The following NAV2 variants were observed in gnomAD, a reference collection of about 807,000 sequenced individuals.
The protein encoded by NAV2 is neuron navigator 2.
A neutral mutation model predicts 223.2 loss-of-function variants in NAV2; 54 were observed. That is an observed-to-expected ratio of 0.24 (90% confidence interval 0.19 to 0.30). NAV2 has a LOEUF of 0.30. Among genes scored for constraint, NAV2 ranks in the 10% least tolerant of loss-of-function variants. NAV2 has a pLI of 1.00. For synonymous variants in NAV2, 1,279 were observed against 1,239.3 expected, an observed-to-expected ratio of 1.03 and a Z score of -0.67; for missense variants, 2,806 against 3,147.5, an observed-to-expected ratio of 0.89 and a Z score of 2.60.
At chr11:19,741,368 T>C (rs867039510) in intron 1 of NAV2, among the ~76,000 whole-genome samples, 2 of 152,040 alleles carry the variant, frequency 1.3e-5, no homozygotes, top group Non-Finnish European at 2.9e-5. Context: ...GATTTATTTA[T>C]CCCACAGAAC....
At chr11:20,049,808 C>A (rs1270004532) in intron 15 of NAV2, 28 bp from the exon 16 acceptor site, 1 of 1,610,464 alleles carries the variant, frequency 6.2e-7, no homozygotes, top group East Asian at 2.2e-5. Context: ...CGTTCCTTCT[C>A]TTGTTTTCTA....
intron 1 of NAV2, among the ~76,000 whole-genome samples, chr11:19,569,319 T>C (rs1224992501): frequency 6.6e-6 from 1 of 152,206 alleles, no homozygotes; most frequent in African/African-American, 2.4e-5. Context: ...ATGCAGCCTC[T>C]TCTTGATCCC....
At chr11:19,497,993 C>T (rs2042851427) in intron 1 of NAV2, among the ~76,000 whole-genome samples, 1 of 152,174 alleles carries the variant, frequency 6.6e-6, no homozygotes, top group Non-Finnish European at 1.5e-5. Context: ...GTTTTGTCAT[C>T]GTCGTAATTT....
rs1212750573 is a variant in NAV2 at position 19,823,210 on chromosome 11, A to C, written c.268-9274A>C. On this transcript the variant is annotated intron_variant, in intron 1 of 37. Transcript: ENST00000349880. Reference sequence around the variant, plus strand: ...CAGGCACATGCTACCACACCTGGCTAATTTATTTTATTTTGAGATGCATTT... The same window carrying C: ...CAGGCACATGCTACCACACCTGGCTCATTTATTTTATTTTGAGATGCATTT... Among the ~76,000 whole-genome samples the C allele has an allele frequency of 2.0e-5, 3 of 151,834 alleles. No homozygotes were observed. In the East Asian group the frequency reaches 5.8e-4, roughly 29 times the overall value.
At chr11:20,058,843 C>T (rs1818685211) in intron 19 of NAV2, among the ~76,000 whole-genome samples, 1 of 152,110 alleles carries the variant, frequency 6.6e-6, no homozygotes, top group South Asian at 2.1e-4. Context: ...AAGCATTTAA[C>T]AAATAACTTT....
rs1185723842 is a variant in NAV2, at chr11:20,101,025, G to A, written c.6270G>A (p.Glu2090=). 1.2e-6 allele frequency: 2 copies of A among 1,614,014 alleles called. No individual in the cohort carries two copies. Among genetic ancestry groups the A allele is most frequent in the South Asian group, 1.1e-5 (1 of 91,072 alleles). The change falls in exon 32 of 38, where the codon GAG becomes GAA. Residue 2090 remains glutamate (E), a synonymous_variant. Transcript: ENST00000349880. ...AGCGCTACGTCTCCCTCCTGATAGA[G>A]CACCGTCGGATCATTCTCTCTGGCC... ...ILQRYVSLLI[E]HRRIILSGPS...
At chr11:20,061,624 A>G (rs1362412396) in intron 19 of NAV2, among the ~76,000 whole-genome samples, 1 of 152,118 alleles carries the variant, frequency 6.6e-6, no homozygotes, top group Admixed American at 6.5e-5. Context: ...GGTGCTAAGG[A>G]CATATAAGTG....
chr11:20,116,139 GA>G (rs1162694557), intron 37 of NAV2, among the ~76,000 whole-genome samples: 3 of 151,858 alleles, frequency 2.0e-5, no homozygotes, highest in African/African-American at 7.3e-5. Flanking sequence ...ATAGCAAAAA[GA>G]AAACATAACA....
intron 26 of NAV2, among the ~76,000 whole-genome samples, chr11:20,085,633 A>G (rs7124576): frequency 0.81 from 122,942 of 152,164 alleles, 49,991 homozygotes; most frequent in East Asian, 0.95. Context: ...AGCTTTACAT[A>G]TGACTGTTTA....
chr11:19,673,915 C>T (rs1297628251), intron 1 of NAV2, among the ~76,000 whole-genome samples: 1 of 152,212 alleles, frequency 6.6e-6, no homozygotes, highest in Non-Finnish European at 1.5e-5. Context: ...TTTCCTGCCC[C>T]TTCTCCATGC....
intron 1 of NAV2, among the ~76,000 whole-genome samples, chr11:19,639,121 C>G (rs1363976203): frequency 6.6e-6 from 1 of 152,208 alleles, no homozygotes; most frequent in African/African-American, 2.4e-5. Context: ...TGACTAGCAT[C>G]TAAGAACTAG....
chr11:20,098,747 A>G (rs754472212), intron 31 of NAV2, among the ~76,000 whole-genome samples: 1 of 152,236 alleles, frequency 6.6e-6, no homozygotes, highest in African/African-American at 2.4e-5. Context: ...CCTTTGGACT[A>G]AAAGTGACAG....
intron 1 of NAV2, among the ~76,000 whole-genome samples, chr11:19,742,196 A>G (rs1313002961): frequency 1.3e-5 from 2 of 152,168 alleles, no homozygotes; most frequent in African/African-American, 4.8e-5. Flanking sequence ...TTGGAAGACC[A>G]TGGACTCAGC....
intron 10 of NAV2, among the ~76,000 whole-genome samples, chr11:19,969,792 CAA>C (rs941153940): frequency 1.7e-4 from 26 of 151,336 alleles, no homozygotes; most frequent in African/African-American, 6.3e-4. Flanking sequence ...AATACAAAAA[CAA>C]AATTAGCCAG....
intron 1 of NAV2, among the ~76,000 whole-genome samples, chr11:19,398,313 G>A (rs1366374720): frequency 6.6e-6 from 1 of 152,096 alleles, no homozygotes; most frequent in African/African-American, 2.4e-5. Flanking sequence ...CTATTGCTAG[G>A]AGAGCAATGA....
intron 10 of NAV2, among the ~76,000 whole-genome samples, chr11:19,959,966 G>A (rs2153402962): frequency 6.6e-6 from 1 of 152,290 alleles, no homozygotes; most frequent in South Asian, 2.1e-4. Context: ...AACACAGCCA[G>A]CATTTGGGTG....
At chr11:19,927,161 C>T (rs775847991) in intron 6 of NAV2, among the ~76,000 whole-genome samples, 1 of 152,224 alleles carries the variant, frequency 6.6e-6, no homozygotes, top group Non-Finnish European at 1.5e-5. Context: ...ATCCTGTCTG[C>T]AGTGTTTCAA....
chr11:19,626,978 A>C (rs1304282056), intron 1 of NAV2, among the ~76,000 whole-genome samples: 1 of 152,244 alleles, frequency 6.6e-6, no homozygotes, highest in Non-Finnish European at 1.5e-5. Flanking sequence ...ATATGTACCC[A>C]ATATGACATG....
intron 1 of NAV2, among the ~76,000 whole-genome samples, chr11:19,445,197 A>G (rs2632013): frequency 0.91 from 138,101 of 152,066 alleles, 62,795 homozygotes; most frequent in Middle Eastern, 0.94. Context: ...GGAAGAGGAA[A>G]TAAGGAATGT....
Sources: allele counts gnomAD v4.1 joint callset (sites outside exome capture counted in the v4.1 genomes callset), GRCh38; gene constraint gnomAD v4.1.1; transcripts MANE v1.5; gene names NCBI Gene and HGNC (gene_info 2026-07-23, HGNC 2026-07-21).